The following SRGAP3 variants were observed in gnomAD, a reference collection of about 807,000 sequenced individuals.
The protein encoded by SRGAP3 is SLIT-ROBO Rho GTPase activating protein 3, also known as SLIT-ROBO Rho GTPase-activating protein 3.
Under a neutral mutation model 121.1 loss-of-function variants are expected in SRGAP3, and 39 were observed. The ratio of observed to expected loss-of-function variants is 0.32; its 90% CI spans 0.25 to 0.42. SRGAP3 has a LOEUF of 0.42. Among genes scored for constraint, SRGAP3 ranks in the 10% least tolerant of loss-of-function variants. The pLI is 1.00. For synonymous variants in SRGAP3, 601 were observed against 570.0 expected, an observed-to-expected ratio of 1.05 and a Z score of -0.77; for missense variants, 1,213 against 1,470.6, an observed-to-expected ratio of 0.82 and a Z score of 2.86.
At chr3:9,191,730 C>T (rs183021009) in intron 1 of SRGAP3, among the ~76,000 whole-genome samples, 45 of 152,272 alleles carry the variant, frequency 3.0e-4, no homozygotes, top group Admixed American at 2.5e-3. Flanking sequence ...TCACATTGAA[C>T]GATAATCCAC....
At chr3:9,263,391 G>C (rs573289115) in intron 3 of SRGAP3, among the ~76,000 whole-genome samples, 22 of 150,014 alleles carry the variant, frequency 1.5e-4, no homozygotes, top group African/African-American at 5.2e-4. Flanking sequence ...AGGAGACAGA[G>C]ACATGAAAAA....
intron 1 of SRGAP3, among the ~76,000 whole-genome samples, chr3:9,126,547 T>C (rs1213942030): frequency 2.0e-5 from 3 of 152,060 alleles, no homozygotes. Flanking sequence ...GGAGAATCAC[T>C]TGAACCCAGA....
rs535536918 is a variant in SRGAP3, at chr3:9,069,686, T to C, written c.487-5105A>G. ...AGAGCGGGCTGGGCGCGGTGGCTCA[T>C]GCCTGTAATCCCAGCCCTTTGGGAG... On this transcript the variant is annotated intron_variant, in intron 4 of 21. Transcript: ENST00000383836. Among the ~76,000 whole-genome samples, 453 of 152,274 alleles carry C rather than the reference T, an allele frequency of 3.0e-3. 5 individuals are homozygous for C. The South Asian group carries it at 0.034, about 11-fold the overall frequency.
intron 1 of SRGAP3, among the ~76,000 whole-genome samples, chr3:9,135,558 G>C (rs2125016300): frequency 6.6e-6 from 1 of 150,818 alleles, no homozygotes; most frequent in African/African-American, 2.4e-5. Context: ...TCACAGGGTT[G>C]ATTATTGTCT....
chr3:9,132,158 A>G, intron 1 of SRGAP3, among the ~76,000 whole-genome samples: 1 of 152,116 alleles, frequency 6.6e-6, no homozygotes, highest in African/African-American at 2.4e-5. Context: ...AAGTACAGAG[A>G]GTTCCCATAT....
chr3:9,319,524 A>C (rs757065165), intron 3 of SRGAP3, among the ~76,000 whole-genome samples: 14 of 151,908 alleles, frequency 9.2e-5, no homozygotes, highest in Non-Finnish European at 1.9e-4. Context: ...GATTCAAGGA[A>C]AGTAAAAGTT....
intron 1 of SRGAP3, among the ~76,000 whole-genome samples, chr3:9,200,117 A>T (rs1182229431): frequency 6.6e-6 from 1 of 152,174 alleles, no homozygotes; most frequent in African/African-American, 2.4e-5. Flanking sequence ...CTTGGAGGGG[A>T]GCATAGCTAC....
chr3:9,051,710 C>CTTTTTTTTTTT (rs36044423), intron 9 of SRGAP3, among the ~76,000 whole-genome samples: 2 of 103,112 alleles, frequency 1.9e-5, no homozygotes, highest in Non-Finnish European at 1.9e-5. Flanking sequence ...TTGCTCAATT[C>CTTTTTTTTTTT]TTTTTTTTTT....
chr3:9,264,906 G>A (rs1559250350), intron 3 of SRGAP3, among the ~76,000 whole-genome samples: 1 of 152,020 alleles, frequency 6.6e-6, no homozygotes. Context: ...AAAAGAGCTG[G>A]TATAGCCAAG....
At chr3:9,348,841 C>T in intron 1 of SRGAP3, 1 of 1,328,012 alleles carries the variant, frequency 7.5e-7, no homozygotes, top group East Asian at 2.3e-5. Context: ...CTTTCTACAA[C>T]ATCAGTAAGG....
chr3:9,021,501 GACA>G (rs755244539), intron 14 of SRGAP3, among the ~76,000 whole-genome samples: 5 of 151,500 alleles, frequency 3.3e-5, no homozygotes, highest in Admixed American at 2.0e-4. Flanking sequence ...ATTTACTGAC[GACA>G]ACAACAAAAA....
intron 1 of SRGAP3, among the ~76,000 whole-genome samples, chr3:9,213,582 G>A (rs1310147260): frequency 6.6e-6 from 1 of 152,174 alleles, no homozygotes; most frequent in Non-Finnish European, 1.5e-5. Context: ...CTGGTTTCAC[G>A]CTTCCCCTTG....
chr3:9,351,113 G>C (rs2030118074), intron 1 of SRGAP3, among the ~76,000 whole-genome samples: 1 of 152,128 alleles, frequency 6.6e-6, no homozygotes, highest in African/African-American at 2.4e-5. Flanking sequence ...AGGAAAAAAG[G>C]AGGCTCTTGC....
At chr3:9,272,726 A>G (rs1336558091) in intron 3 of SRGAP3, among the ~76,000 whole-genome samples, 1 of 152,088 alleles carries the variant, frequency 6.6e-6, no homozygotes, top group African/African-American at 2.4e-5. Flanking sequence ...TGGTATAACT[A>G]TTTGTTGGAG....
At chr3:9,090,661 G>C (rs1947715496) in intron 3 of SRGAP3, among the ~76,000 whole-genome samples, 1 of 152,146 alleles carries the variant, frequency 6.6e-6, no homozygotes, top group Non-Finnish European at 1.5e-5. Flanking sequence ...TTGTGAGATG[G>C]TGTCTTGCTT....
At chr3:9,103,672 C>T (rs1253684845) in intron 3 of SRGAP3, among the ~76,000 whole-genome samples, 3 of 152,224 alleles carry the variant, frequency 2.0e-5, no homozygotes, top group Admixed American at 1.3e-4. Flanking sequence ...AGTAGCTGAT[C>T]TTAACCCTGC....
At chr3:8,999,683 AC>A (rs1421021365) in intron 18 of SRGAP3, among the ~76,000 whole-genome samples, 16 of 152,164 alleles carry the variant, frequency 1.1e-4, no homozygotes, top group South Asian at 4.1e-4. Flanking sequence ...GAGAGTAATG[AC>A]AGAAGCCAGG....
At chr3:9,352,305 A>G (rs898375852) in intron 1 of SRGAP3, among the ~76,000 whole-genome samples, 1 of 126,258 alleles carries the variant, frequency 7.9e-6, no homozygotes, top group African/African-American at 3.1e-5. Flanking sequence ...ATGGAGTCTC[A>G]CTCTGTCACC....
intron 13 of SRGAP3, among the ~76,000 whole-genome samples, chr3:9,026,247 T>A (rs1282158301): frequency 6.6e-6 from 1 of 152,218 alleles, no homozygotes; most frequent in Non-Finnish European, 1.5e-5. Flanking sequence ...CCATTCTCTA[T>A]CCTCTTTAAA....
Sources: allele counts gnomAD v4.1 joint callset (sites outside exome capture counted in the v4.1 genomes callset), GRCh38; gene constraint gnomAD v4.1.1; transcripts MANE v1.5; gene names NCBI Gene and HGNC (gene_info 2026-07-23, HGNC 2026-07-21).